The following SLC44A5 variants were observed in gnomAD, a reference collection of about 807,000 sequenced individuals.
The protein encoded by SLC44A5 is solute carrier family 44 member 5.
A neutral mutation model predicts 101.8 loss-of-function variants in SLC44A5; 57 were observed. That is an observed-to-expected ratio of 0.56 (90% CI 0.45 to 0.70). The LOEUF (loss-of-function observed/expected upper bound fraction) is 0.70. SLC44A5 is among the 30% of genes least tolerant of loss of function. SLC44A5 has a pLI of 0.00. For missense variants in SLC44A5, 737 were observed against 853.1 expected (o/e 0.86, Z 1.70); for synonymous variants, 281 against 290.9 (o/e 0.97, Z 0.35).
At chr1:75,416,492 T>G (rs1663654826) in intron 2 of SLC44A5, among the ~76,000 whole-genome samples, 1 of 152,160 alleles carries the variant, frequency 6.6e-6, no homozygotes. Context: ...GAAAGGGAAA[T>G]GTAGGATTGG....
rs1646691276 is a variant in SLC44A5 at position 75,203,167 on chromosome 1, T to C, written c.*560A>G. The C allele has an allele frequency of 1.3e-5, 2 of 152,214 alleles. No homozygotes were observed. The highest frequency in any genetic ancestry group is 1.5e-5 in the Non-Finnish European group (1 of 68,034). The allele number at this position is 152,214 out of a possible 1,614,324, so 9.4% of individuals were successfully genotyped here. A position where few individuals can be genotyped will look rare whatever the true frequency, so the allele number is the denominator to read the frequency against. ...ATATTAAATAGCCAGTAAGGCACTT[T>C]GTCAGAGGGCTAAGTAGTAAAGGCT... is the stretch of plus-strand genomic sequence containing the variant. On this transcript the variant is annotated 3_prime_UTR_variant, in exon 24 of 24. Coordinates refer to ENST00000370859, the MANE Select transcript of SLC44A5 (RefSeq NM_001130058.2).
the SLC44A5 span, among the ~76,000 whole-genome samples, chr1:75,721,228 A>T: frequency 6.6e-6 from 1 of 152,296 alleles, no homozygotes; most frequent in East Asian, 1.9e-4. Context: ...CCTACGAGAA[A>T]GTCCATTCAG....
At chr1:75,526,334 A>G (rs211786) in intron 2 of SLC44A5, among the ~76,000 whole-genome samples, 55,680 of 151,994 alleles carry the variant, frequency 0.37, 10,858 homozygotes, top group African/African-American at 0.5. Context: ...TGTCAAATTA[A>G]TTACTCCCAG....
chr1:75,717,012 C>A, the SLC44A5 span, among the ~76,000 whole-genome samples: 1 of 149,366 alleles, frequency 6.7e-6, no homozygotes, highest in Non-Finnish European at 1.5e-5. Flanking sequence ...CCAGCCTGGG[C>A]AACAGAGCAA....
chr1:75,500,155 G>A (rs1668879398), intron 2 of SLC44A5, among the ~76,000 whole-genome samples: 1 of 152,132 alleles, frequency 6.6e-6, no homozygotes, highest in Non-Finnish European at 1.5e-5. Context: ...TTGCTATTAT[G>A]TGAGCCGGAA....
chr1:75,666,891 T>C, the SLC44A5 span, among the ~76,000 whole-genome samples: 2 of 152,144 alleles, frequency 1.3e-5, no homozygotes, highest in African/African-American at 4.8e-5. Flanking sequence ...CAACATCCCT[T>C]CATGCTAAAA....
At chr1:75,634,871 A>C in the SLC44A5 span, among the ~76,000 whole-genome samples, 5 of 152,192 alleles carry the variant, frequency 3.3e-5, no homozygotes, top group Non-Finnish European at 5.9e-5. Flanking sequence ...GTGAACAGGC[A>C]ACCTACAAAG....
At chr1:75,523,120 T>C (rs1283393743) in intron 2 of SLC44A5, among the ~76,000 whole-genome samples, 2 of 152,148 alleles carry the variant, frequency 1.3e-5, no homozygotes, top group Admixed American at 1.3e-4. Context: ...AGAACTACCA[T>C]GGTAGTTCCC....
chr1:75,361,608 TAG>T (rs2101117405), intron 3 of SLC44A5, among the ~76,000 whole-genome samples: 1 of 152,218 alleles, frequency 6.6e-6, no homozygotes, highest in South Asian at 2.1e-4. Flanking sequence ...GATAATCATT[TAG>T]TTTTTGTGCT....
chr1:75,357,116 A>G (rs1032808635), intron 3 of SLC44A5: 5 of 445,232 alleles, frequency 1.1e-5, no homozygotes, highest in African/African-American at 1.0e-4. Context: ...TAATTCCCAC[A>G]TCCATGCCAT....
At chr1:75,559,046 C>T (rs1389186484) in intron 1 of SLC44A5, among the ~76,000 whole-genome samples, 2 of 151,882 alleles carry the variant, frequency 1.3e-5, no homozygotes, top group Non-Finnish European at 2.9e-5. Context: ...GTCTTATTAA[C>T]ATGAAACCAT....
intron 2 of SLC44A5, among the ~76,000 whole-genome samples, chr1:75,455,159 A>T (rs1666118389): frequency 1.3e-5 from 2 of 151,938 alleles, no homozygotes; most frequent in South Asian, 4.1e-4. Flanking sequence ...GCATGGTACA[A>T]AAACAGACAC....
chr1:75,293,311 G>A (rs1229656142), intron 5 of SLC44A5, among the ~76,000 whole-genome samples: 1 of 152,156 alleles, frequency 6.6e-6, no homozygotes, highest in Non-Finnish European at 1.5e-5. Flanking sequence ...CTCTAGGGTT[G>A]AGTCAGGAGT....
chr1:75,654,071 G>A, the SLC44A5 span, among the ~76,000 whole-genome samples: 4 of 151,988 alleles, frequency 2.6e-5, no homozygotes, highest in East Asian at 1.9e-4. Flanking sequence ...AAACCTAGAC[G>A]TTTCATCTAT....
intron 3 of SLC44A5, among the ~76,000 whole-genome samples, chr1:75,386,418 GACAA>G (rs1248837275): frequency 6.6e-6 from 1 of 152,048 alleles, no homozygotes; most frequent in Admixed American, 6.6e-5. Flanking sequence ...ACCAACAACA[GACAA>G]ACAGAGAGCC....
In SLC44A5 at chr1:75,218,547, T is replaced by C. The variant is rs1470918344; in HGVS notation, c.1472A>G (p.Lys491Arg). The C allele has an allele frequency of 3.7e-6, 6 of 1,613,738 alleles. No individual in the cohort carries two copies. The highest frequency in any genetic ancestry group is 5.1e-6 in the Non-Finnish European group (6 of 1,179,782). Residue 491 changes from lysine (K) to arginine (R), a missense_variant, in exon 17 of 24, where the codon AAA becomes AGA. Lys to Arg is a conservative substitution (Grantham distance 26). Around this residue, in one of 3 missense-constraint regions of SLC44A5, gnomAD observed 665 missense variants for 764.4 expected, o/e 0.87. Transcript: ENST00000370859. ...GAFATYYWAMKKPDDIPRYPL... is the reference protein window; with the variant it reads ...GAFATYYWAMRKPDDIPRYPL... Reference sequence around the variant, plus strand: ...ATATCGTGGGATGTCATCAGGTTTTTTCATGGCCCAGTAATAAGTAGCGAA... The same window carrying C: ...ATATCGTGGGATGTCATCAGGTTTTCTCATGGCCCAGTAATAAGTAGCGAA...
chr1:75,325,183 T>C (rs769472904), intron 4 of SLC44A5, among the ~76,000 whole-genome samples: 4 of 151,892 alleles, frequency 2.6e-5, no homozygotes, highest in Non-Finnish European at 2.9e-5. Flanking sequence ...TGAGGCTGAG[T>C]TGAAGAGGGA....
At chr1:75,494,896 G>A (rs1201512403) in intron 2 of SLC44A5, among the ~76,000 whole-genome samples, 1 of 152,096 alleles carries the variant, frequency 6.6e-6, no homozygotes, top group Non-Finnish European at 1.5e-5. Flanking sequence ...GCTACTCTAG[G>A]GAATGGATCC....
chr1:75,618,227 T>C, the SLC44A5 span, among the ~76,000 whole-genome samples: 1 of 152,248 alleles, frequency 6.6e-6, no homozygotes, highest in Non-Finnish European at 1.5e-5. Flanking sequence ...TTTTGGTACA[T>C]GGATGTGATT....
Sources: allele counts gnomAD v4.1 joint callset (sites outside exome capture counted in the v4.1 genomes callset), GRCh38; gene constraint gnomAD v4.1.1; regional missense constraint gnomAD v4.1.1; transcripts MANE v1.5; gene names NCBI Gene and HGNC (gene_info 2026-07-23, HGNC 2026-07-21).